The following PDZRN4 variants were observed in gnomAD, a reference collection of about 807,000 sequenced individuals.
PDZRN4 encodes the protein PDZ domain-containing RING finger protein 4.
In PDZRN4, 70 loss-of-function variants were observed where a neutral mutation model predicts 99.0. The observed-to-expected ratio is 0.71, with a 90% CI of 0.58 to 0.86. PDZRN4 has a LOEUF of 0.86. Among genes scored for constraint, PDZRN4 ranks in the 40% least tolerant of loss-of-function variants. The pLI is 0.00. For synonymous variants in PDZRN4, 551 were observed against 501.6 expected (o/e 1.10, Z -1.32); for missense variants, 1,474 against 1,331.2 (o/e 1.11, Z -1.67).
chr12:41,466,320 A>T (rs1371759393), intron 3 of PDZRN4, among the ~76,000 whole-genome samples: 2 of 152,194 alleles, frequency 1.3e-5, no homozygotes, highest in African/African-American at 4.8e-5. Flanking sequence ...CACCTAGGTT[A>T]GGCATTAATA....
chr12:41,355,646 A>G (rs1951922304), intron 3 of PDZRN4, among the ~76,000 whole-genome samples: 1 of 152,116 alleles, frequency 6.6e-6, no homozygotes, highest in Admixed American at 6.6e-5. Context: ...GAACATTGAT[A>G]CTGTATTAAA....
At chr12:41,209,989 C>T (rs1950877627) in intron 3 of PDZRN4, among the ~76,000 whole-genome samples, 1 of 151,554 alleles carries the variant, frequency 6.6e-6, no homozygotes, top group Admixed American at 6.6e-5. Flanking sequence ...CCTATTTCTC[C>T]ACATCCTCTC....
At chr12:41,312,390 G>A (rs989859545) in intron 3 of PDZRN4, among the ~76,000 whole-genome samples, 6 of 152,094 alleles carry the variant, frequency 3.9e-5, no homozygotes, top group African/African-American at 1.4e-4. Flanking sequence ...TCCAGGTCTT[G>A]TAGTATCTTC....
chr12:41,526,295 A>G (rs1649635628), intron 5 of PDZRN4, among the ~76,000 whole-genome samples: 1 of 152,186 alleles, frequency 6.6e-6, no homozygotes, highest in African/African-American at 2.4e-5. Context: ...GGCTGCAGGA[A>G]TCCTCAGTGT....
chr12:41,374,821 G>A (rs1482192956), intron 3 of PDZRN4, among the ~76,000 whole-genome samples: 1 of 152,170 alleles, frequency 6.6e-6, no homozygotes, highest in African/African-American at 2.4e-5. Context: ...TCTTAAAGAG[G>A]TGAAGTTGAA....
intron 8 of PDZRN4, among the ~76,000 whole-genome samples, chr12:41,565,809 C>T (rs562342563): frequency 6.6e-6 from 1 of 152,276 alleles, no homozygotes; most frequent in African/African-American, 2.4e-5. Flanking sequence ...AGAGGATTCT[C>T]ATAAGAACTT....
chr12:41,556,082 A>C (rs1439549553), intron 7 of PDZRN4, among the ~76,000 whole-genome samples: 2 of 152,190 alleles, frequency 1.3e-5, no homozygotes, highest in Admixed American at 1.3e-4. Flanking sequence ...AAAAATGGTA[A>C]TAATAACCTA....
intron 5 of PDZRN4, among the ~76,000 whole-genome samples, chr12:41,533,439 C>T (rs1228981588): frequency 6.6e-6 from 1 of 152,176 alleles, no homozygotes; most frequent in Non-Finnish European, 1.5e-5. Context: ...TCCCAAAGTG[C>T]TGGGATTACA....
intron 3 of PDZRN4, among the ~76,000 whole-genome samples, chr12:41,403,464 C>T (rs551368576): frequency 4.6e-5 from 7 of 152,122 alleles, no homozygotes; most frequent in Admixed American, 1.3e-4. Flanking sequence ...GGAAATATTT[C>T]GGCTGTTTTG....
intron 3 of PDZRN4, among the ~76,000 whole-genome samples, chr12:41,221,734 G>A (rs1465874780): frequency 1.3e-5 from 2 of 152,068 alleles, no homozygotes; most frequent in East Asian, 1.9e-4. Context: ...AAGGGTGTGT[G>A]TGGCCTTCCT....
At position 41,569,810 on chromosome 12, in the gene PDZRN4, C is replaced by A. The variant is rs74077888; in HGVS notation, c.1584+1911C>A. ...ATGTGCTCATTATGTGGAGTTTGGC[C>A]ACTCCACAAACAGAATTTCATGCTC... On this transcript the variant is annotated intron_variant, in intron 9 of 9. Transcript: ENST00000402685. Among the ~76,000 whole-genome samples the A allele has an allele frequency of 2.4e-3, 367 of 152,224 alleles. 3 individuals are homozygous for A. Among genetic ancestry groups the A allele is most frequent in the African/African-American group, 8.6e-3 (357 of 41,530 alleles).
At chr12:41,495,117 A>G (rs1292865307) in intron 3 of PDZRN4, among the ~76,000 whole-genome samples, 1 of 151,932 alleles carries the variant, frequency 6.6e-6, no homozygotes, top group African/African-American at 2.4e-5. Context: ...TAGAAAGTAT[A>G]AGTGTGTGTG....
chr12:41,332,534 T>C (rs1298803525), intron 3 of PDZRN4, among the ~76,000 whole-genome samples: 2 of 151,846 alleles, frequency 1.3e-5, no homozygotes, highest in African/African-American at 4.8e-5. Context: ...GATATTGTGA[T>C]GGGAAAGATC....
intron 3 of PDZRN4, among the ~76,000 whole-genome samples, chr12:41,278,162 C>T (rs1484747450): frequency 2.6e-5 from 4 of 152,232 alleles, no homozygotes; most frequent in Admixed American, 6.5e-5. Context: ...TTGTTATATG[C>T]GTGACTCATA....
At chr12:41,275,730 T>C (rs534263998) in intron 3 of PDZRN4, among the ~76,000 whole-genome samples, 1 of 152,148 alleles carries the variant, frequency 6.6e-6, no homozygotes, top group Admixed American at 6.6e-5. Flanking sequence ...GTAAAGGAGA[T>C]AGGATTCAAA....
At chr12:41,365,505 T>C (rs1951993184) in intron 3 of PDZRN4, among the ~76,000 whole-genome samples, 2 of 152,134 alleles carry the variant, frequency 1.3e-5, no homozygotes, top group Admixed American at 6.6e-5. Flanking sequence ...TGACCCTCTC[T>C]TGTATAATTA....
chr12:41,531,496 T>G (rs997517682), intron 5 of PDZRN4, among the ~76,000 whole-genome samples: 2 of 152,244 alleles, frequency 1.3e-5, no homozygotes, highest in African/African-American at 4.8e-5. Flanking sequence ...CTTGTGTGTC[T>G]GCTTGCTAGG....
chr12:41,279,403 G>A (rs972864210), intron 3 of PDZRN4, among the ~76,000 whole-genome samples: 5 of 152,164 alleles, frequency 3.3e-5, no homozygotes, highest in Non-Finnish European at 5.9e-5. Context: ...GCTAAAACGT[G>A]TTGGCCCAAT....
chr12:41,306,875 C>G (rs901958121), intron 3 of PDZRN4, among the ~76,000 whole-genome samples: 1 of 152,188 alleles, frequency 6.6e-6, no homozygotes, highest in African/African-American at 2.4e-5. Context: ...AGATACTCCT[C>G]ATTTCCATCT....
Sources: gnomAD v4.1 joint callset for allele counts (sites outside exome capture counted in the v4.1 genomes callset) on GRCh38, gnomAD v4.1.1 for gene constraint, MANE v1.5 for transcripts, NCBI Gene and HGNC (gene_info 2026-07-23, HGNC 2026-07-21) for gene names.